Variants in SMYD3 observed in about 807,000 individuals in gnomAD.
The protein encoded by SMYD3 is histone-lysine N-methyltransferase SMYD3.
Under a neutral mutation model 57.7 loss-of-function variants are expected in SMYD3, and 36 were observed. The observed-to-expected ratio is 0.62, with a 90% confidence interval of 0.48 to 0.82. The LOEUF (loss-of-function observed/expected upper bound fraction) is 0.82. SMYD3 is among the 40% of genes least tolerant of loss of function. SMYD3 has a pLI of 0.00. For synonymous variants in SMYD3, 211 were observed against 195.0 expected, an observed-to-expected ratio of 1.08 and a Z score of -0.68; for missense variants, 515 against 538.8, an observed-to-expected ratio of 0.96 and a Z score of 0.44.
Position 246,507,234 on chromosome 1 carries a change from C to T in SMYD3, c.-17G>A, listed in dbSNP as rs543607130. 92 of 1,507,682 alleles carry T rather than the reference C, an allele frequency of 6.1e-5. No individual in the cohort carries two copies. The Admixed American group carries it at 6.9e-4, about 11-fold the overall frequency. The allele number at this position is 1,507,682 out of a possible 1,614,324, so 93.4% of individuals were successfully genotyped here. A position where few individuals can be genotyped will look rare whatever the true frequency, so the allele number is the denominator to read the frequency against. Reference sequence around the variant, plus strand: ...CGGCTCCATCCTCCCGCAGCTCCGGCACCTCAGACGGCTACCCGCGTCCAG... The same window carrying T: ...CGGCTCCATCCTCCCGCAGCTCCGGTACCTCAGACGGCTACCCGCGTCCAG... On this transcript the variant is annotated 5_prime_UTR_variant, in exon 1 of 12. Transcript: ENST00000490107.
At chr1:246,292,942 T>C (rs12409083) in intron 5 of SMYD3, among the ~76,000 whole-genome samples, 23,565 of 151,974 alleles carry the variant, frequency 0.16, 2,330 homozygotes, top group East Asian at 0.3. Context: ...AACTGAAACA[T>C]GGGTTGGGAA....
At chr1:246,117,628 T>C (rs1298260798) in intron 5 of SMYD3, among the ~76,000 whole-genome samples, 2 of 152,160 alleles carry the variant, frequency 1.3e-5, no homozygotes, top group African/African-American at 2.4e-5. Context: ...GCACTCTCTC[T>C]CTCTCCCTTC....
intron 8 of SMYD3, among the ~76,000 whole-genome samples, chr1:245,898,624 C>G (rs997155892): frequency 6.6e-6 from 1 of 152,122 alleles, no homozygotes; most frequent in Non-Finnish European, 1.5e-5. Context: ...AAATTGAGAG[C>G]CCGGTGAATA....
chr1:246,365,209 T>C (rs1367476892), intron 1 of SMYD3, among the ~76,000 whole-genome samples: 2 of 151,728 alleles, frequency 1.3e-5, no homozygotes, highest in East Asian at 3.9e-4. Context: ...CATATAAGAG[T>C]TAGACATTAT....
At chr1:246,238,647 T>C (rs1420865203) in intron 5 of SMYD3, among the ~76,000 whole-genome samples, 2 of 152,166 alleles carry the variant, frequency 1.3e-5, no homozygotes, top group Non-Finnish European at 2.9e-5. Flanking sequence ...ATTTTCGTTT[T>C]TTTGCTTTTC....
Position 246,039,524 on chromosome 1 carries a change from T to C in SMYD3, c.532-109587A>G, listed in dbSNP as rs147000563. Among the ~76,000 whole-genome samples, 239 of 152,310 alleles carry C rather than the reference T, an allele frequency of 1.6e-3. 3 individuals are homozygous for C. The highest frequency in any genetic ancestry group is 5.1e-3 in the African/African-American group (214 of 41,574). On this transcript the variant is annotated intron_variant, in intron 5 of 11. Coordinates refer to ENST00000490107, the MANE Select transcript of SMYD3 (RefSeq NM_001167740.2). Reference sequence around the variant, plus strand: ...ACCTGTGAATGATCTGTAGCAGCCTTCGAAATGTGGGATTGCTGTATCCCT... The same window carrying C: ...ACCTGTGAATGATCTGTAGCAGCCTCCGAAATGTGGGATTGCTGTATCCCT...
At chr1:245,943,931 C>T (rs1266433402) in intron 5 of SMYD3, among the ~76,000 whole-genome samples, 2 of 152,166 alleles carry the variant, frequency 1.3e-5, no homozygotes, top group Non-Finnish European at 2.9e-5. Context: ...TGAGAAAATT[C>T]AACACCCCCT....
chr1:245,889,663 CA>C (rs2053271892), intron 8 of SMYD3, among the ~76,000 whole-genome samples: 1 of 152,156 alleles, frequency 6.6e-6, no homozygotes, highest in African/African-American at 2.4e-5. Context: ...TCTTACATGG[CA>C]AATTCTGAAA....
At chr1:246,377,194 ATAAG>A (rs546279141) in intron 1 of SMYD3, among the ~76,000 whole-genome samples, 1 of 152,302 alleles carries the variant, frequency 6.6e-6, no homozygotes, top group Non-Finnish European at 1.5e-5. Context: ...CAAAACAAAA[ATAAG>A]TTAGTGAGGA....
chr1:246,004,809 T>C (rs536605868), intron 5 of SMYD3, among the ~76,000 whole-genome samples: 1 of 152,274 alleles, frequency 6.6e-6, no homozygotes, highest in Admixed American at 6.5e-5. Context: ...GGGAGGCCTA[T>C]ATGCTACAGA....
intron 5 of SMYD3, among the ~76,000 whole-genome samples, chr1:246,002,104 G>T (rs1431397697): frequency 6.6e-6 from 1 of 152,126 alleles, no homozygotes; most frequent in Admixed American, 6.5e-5. Flanking sequence ...ATTCACTGCA[G>T]GAACAAGTCA....
At chr1:246,167,787 AG>A (rs1203426634) in intron 5 of SMYD3, among the ~76,000 whole-genome samples, 2 of 152,196 alleles carry the variant, frequency 1.3e-5, no homozygotes, top group African/African-American at 4.8e-5. Flanking sequence ...CTGGGATTAC[AG>A]GCGTGAGCCA....
intron 5 of SMYD3, among the ~76,000 whole-genome samples, chr1:246,248,683 C>A (rs1447216170): frequency 7.0e-6 from 1 of 142,252 alleles, no homozygotes; most frequent in Non-Finnish European, 1.5e-5. Context: ...GCTCTGTCGC[C>A]CAGGCTGGAG....
At chr1:246,143,146 CACACACACACACACACACAA>C (rs1285369025) in intron 5 of SMYD3, among the ~76,000 whole-genome samples, 5 of 148,026 alleles carry the variant, frequency 3.4e-5, no homozygotes, top group Admixed American at 1.3e-4. Context: ...CACACACACA[CACACACACACACACACACAA>C]ACATGCATCC....
chr1:245,793,039 A>C (rs577778920), intron 10 of SMYD3, among the ~76,000 whole-genome samples: 5 of 150,896 alleles, frequency 3.3e-5, no homozygotes, highest in Non-Finnish European at 5.9e-5. Flanking sequence ...GGCCAGGCAC[A>C]GTGGCTCATG....
intron 5 of SMYD3, among the ~76,000 whole-genome samples, chr1:246,266,298 C>T (rs564108472): frequency 3.3e-5 from 5 of 152,132 alleles, no homozygotes; most frequent in South Asian, 2.1e-4. Flanking sequence ...TTTTTTTAAT[C>T]GGGCAACTTT....
chr1:246,033,881 C>T (rs149896195), intron 5 of SMYD3, among the ~76,000 whole-genome samples: 44 of 152,068 alleles, frequency 2.9e-4, no homozygotes, highest in African/African-American at 1.0e-3. Context: ...CAAGATGTTG[C>T]CATCTGAGGA....
intron 7 of SMYD3, among the ~76,000 whole-genome samples, chr1:245,924,365 G>A (rs762083750): frequency 7.2e-5 from 11 of 152,122 alleles, no homozygotes; most frequent in Non-Finnish European, 1.3e-4. Flanking sequence ...CATTACAATG[G>A]AGAGCCTTAA....
chr1:246,489,138 A>C (rs1172351681), intron 1 of SMYD3, among the ~76,000 whole-genome samples: 1 of 152,104 alleles, frequency 6.6e-6, no homozygotes, highest in Admixed American at 6.6e-5. Context: ...CGAGGTCAAG[A>C]GATTGAGATC....
Sources: allele counts gnomAD v4.1 joint callset (sites outside exome capture counted in the v4.1 genomes callset), GRCh38; gene constraint gnomAD v4.1.1; transcripts MANE v1.5; gene names NCBI Gene and HGNC (gene_info 2026-07-23, HGNC 2026-07-21).